ASXL3: variants seen among roughly 807,000 people sequenced by gnomAD.
ASXL3 encodes the protein ASXL transcriptional regulator 3.
Under a neutral mutation model 170.6 loss-of-function variants are expected in ASXL3, and 34 were observed. The observed-to-expected ratio is 0.20, with a 90% CI of 0.15 to 0.27. ASXL3 has a LOEUF of 0.27. ASXL3 is among the 10% of genes least tolerant of loss of function. The pLI is 1.00. For synonymous variants in ASXL3, 1,002 were observed against 989.1 expected, an observed-to-expected ratio of 1.01 and a Z score of -0.24; for missense variants, 2,592 against 2,695.3, an observed-to-expected ratio of 0.96 and a Z score of 0.85.
At chr18:33,728,848 C>T (rs1215828027) in intron 8 of ASXL3, among the ~76,000 whole-genome samples, 6 of 152,182 alleles carry the variant, frequency 3.9e-5, no homozygotes, top group Admixed American at 3.9e-4. Context: ...TCTTTTTAAG[C>T]ACATACCTTT....
chr18:33,688,030 G>A (rs1397526386), intron 8 of ASXL3, among the ~76,000 whole-genome samples: 4 of 152,118 alleles, frequency 2.6e-5, no homozygotes, highest in African/African-American at 7.2e-5. Flanking sequence ...ATGGCTACCC[G>A]AATCAAGATG....
rs2065124301 is a variant in ASXL3 at position 33,596,126 on chromosome 18, A to T, written c.55-11468A>T. On this transcript the variant is annotated intron_variant, in intron 1 of 11. Transcript: ENST00000269197. ...CAAGATAACAATTCCATAGAATCTG[A>T]ATTATAAAACCACCACTAGAAACAG... Among the ~76,000 whole-genome samples the T allele has an allele frequency of 3.9e-5, 6 of 152,186 alleles. No homozygotes were observed. The South Asian group carries it at 1.2e-3, about 31-fold the overall frequency.
At chr18:33,735,793 T>G (rs879288816) in intron 10 of ASXL3, among the ~76,000 whole-genome samples, 1 of 152,188 alleles carries the variant, frequency 6.6e-6, no homozygotes, top group Non-Finnish European at 1.5e-5. Flanking sequence ...ATAGACCCAT[T>G]CTTTTATTAA....
chr18:33,592,533 G>T (rs118012787), intron 1 of ASXL3, among the ~76,000 whole-genome samples: 1 of 152,010 alleles, frequency 6.6e-6, no homozygotes, highest in East Asian at 1.9e-4. Flanking sequence ...TGTATTGATC[G>T]CAGAAGCCGG....
chr18:33,623,596 T>C (rs934061057), intron 2 of ASXL3, among the ~76,000 whole-genome samples: 4 of 152,138 alleles, frequency 2.6e-5, no homozygotes, highest in African/African-American at 9.7e-5. Context: ...CTGCCATTGT[T>C]AGAAATTTGG....
Position 33,745,073 on chromosome 18 carries a change from C to G in ASXL3, c.5225C>G (p.Ser1742Cys). Residue 1742 changes from serine (S) to cysteine (C), a missense_variant, in exon 12 of 12, where the codon TCT becomes TGT. Physicochemically the swap from Ser to Cys is moderately radical, Grantham distance 112. Around this residue, in one of 4 missense-constraint regions of ASXL3, gnomAD observed 2,246 missense variants for 2,219.6 expected, o/e 1.01. Coordinates refer to ENST00000269197, the MANE Select transcript of ASXL3 (RefSeq NM_030632.3). ...GAGSSGCRLS[S>C]VEANNPLVTQ... ...GGGAGCTCAGGCTGTCGTCTGTCCT[C>G]TGTGGAGGCTAACAATCCGCTGGTG... 6.2e-7 allele frequency: 1 copy of G among 1,614,030 alleles called. No homozygotes were observed.
At chr18:33,724,725 A>C (rs2067318847) in intron 8 of ASXL3, among the ~76,000 whole-genome samples, 1 of 152,138 alleles carries the variant, frequency 6.6e-6, no homozygotes, top group African/African-American at 2.4e-5. Context: ...CAGTCAGGCT[A>C]TATTTATTGT....
chr18:33,695,073 A>G (rs2066750506), intron 8 of ASXL3, among the ~76,000 whole-genome samples: 1 of 152,134 alleles, frequency 6.6e-6, no homozygotes, highest in Non-Finnish European at 1.5e-5. Flanking sequence ...GGCTCCTCTT[A>G]GAGATTGCTC....
intron 8 of ASXL3, among the ~76,000 whole-genome samples, chr18:33,713,164 G>A (rs1249147936): frequency 6.7e-6 from 1 of 148,386 alleles, no homozygotes; most frequent in African/African-American, 2.5e-5. Context: ...CAAAATCAGG[G>A]TTTGTTACAA....
At chr18:33,708,143 A>G (rs1289457382) in intron 8 of ASXL3, among the ~76,000 whole-genome samples, 1 of 152,190 alleles carries the variant, frequency 6.6e-6, no homozygotes, top group African/African-American at 2.4e-5. Context: ...TCTTAAAATT[A>G]GCTAGTAAAT....
intron 2 of ASXL3, among the ~76,000 whole-genome samples, chr18:33,632,516 A>T (rs968313463): frequency 3.9e-5 from 6 of 152,156 alleles, no homozygotes; most frequent in Admixed American, 1.3e-4. Flanking sequence ...TCATATTGTC[A>T]AACTGATTTC....
At chr18:33,644,150 T>C (rs1184192362) in intron 2 of ASXL3, among the ~76,000 whole-genome samples, 2 of 151,978 alleles carry the variant, frequency 1.3e-5, no homozygotes, top group Non-Finnish European at 2.9e-5. Context: ...TTTGATATTT[T>C]AAATGTTAGT....
At chr18:33,655,437 A>C (rs984865268) in intron 4 of ASXL3, among the ~76,000 whole-genome samples, 2 of 152,058 alleles carry the variant, frequency 1.3e-5, no homozygotes, top group East Asian at 1.9e-4. Context: ...CTTAGGAAAA[A>C]ATTGCTGTTT....
At chr18:33,691,366 A>G (rs1374962929) in intron 8 of ASXL3, among the ~76,000 whole-genome samples, 2 of 152,020 alleles carry the variant, frequency 1.3e-5, no homozygotes, top group African/African-American at 4.8e-5. Context: ...CCTAGGCCAT[A>G]CCTTTTTAAG....
chr18:33,634,188 A>G (rs1250846609), intron 2 of ASXL3, among the ~76,000 whole-genome samples: 1 of 152,182 alleles, frequency 6.6e-6, no homozygotes, highest in Non-Finnish European at 1.5e-5. Context: ...CAAGGCAAGA[A>G]TCTGACAAAA....
chr18:33,693,826 G>A (rs1273696948), intron 8 of ASXL3, among the ~76,000 whole-genome samples: 2 of 152,154 alleles, frequency 1.3e-5, no homozygotes, highest in African/African-American at 4.8e-5. Flanking sequence ...GGAGTTGATG[G>A]ATTTTAGGAG....
intron 11 of ASXL3, among the ~76,000 whole-genome samples, chr18:33,741,436 G>T (rs1312364251): frequency 1.3e-5 from 2 of 151,990 alleles, no homozygotes; most frequent in African/African-American, 4.8e-5. Flanking sequence ...AAGCACTGAT[G>T]TGAAAAAAAG....
intron 1 of ASXL3, among the ~76,000 whole-genome samples, chr18:33,586,994 T>G (rs906072717): frequency 6.6e-6 from 1 of 152,196 alleles, no homozygotes; most frequent in Non-Finnish European, 1.5e-5. Flanking sequence ...CCTCCTCTAT[T>G]CATTCACTAC....
Position 33,744,116 on chromosome 18 carries a change from T to C in ASXL3, c.4268T>C (p.Ile1423Thr), listed in dbSNP as rs1350150142. 1.9e-6 allele frequency: 3 copies of C among 1,613,860 alleles called. No individual in the cohort carries two copies. The highest frequency in any genetic ancestry group is 2.5e-6 in the Non-Finnish European group (3 of 1,179,898). The change falls in exon 12 of 12, where the codon ATA (isoleucine) becomes ACA (threonine). Residue 1423 changes from isoleucine (I) to threonine (T), a missense_variant. Ile to Thr is a moderately conservative substitution (Grantham distance 89). Transcript: ENST00000269197. ...VAMFTGNMLTINSYDSPPKLS... is the reference protein window; with the variant it reads ...VAMFTGNMLTTNSYDSPPKLS... ...ATGTTTACTGGAAACATGCTGACAA[T>C]AAACTCTTATGATAGTCCTCCCAAG... is the stretch of plus-strand genomic sequence containing the variant.
Sources: allele counts gnomAD v4.1 joint callset (sites outside exome capture counted in the v4.1 genomes callset), GRCh38; gene constraint gnomAD v4.1.1; regional missense constraint gnomAD v4.1.1; transcripts MANE v1.5; gene names NCBI Gene and HGNC (gene_info 2026-07-23, HGNC 2026-07-21).